SMCHD1: variants seen among roughly 807,000 people sequenced by gnomAD.
SMCHD1 encodes structural maintenance of chromosomes flexible hinge domain-containing protein 1.
Under a neutral mutation model 254.7 loss-of-function variants are expected in SMCHD1, and 78 were observed. The ratio of observed to expected loss-of-function variants is 0.31; its 90% CI spans 0.26 to 0.37. The LOEUF (loss-of-function observed/expected upper bound fraction) is 0.37, where lower values mean the gene tolerates loss of function less well. SMCHD1 is among the 10% of genes least tolerant of loss of function. The pLI, the probability that SMCHD1 is intolerant of heterozygous loss-of-function variation, is 1.00. For missense variants in SMCHD1, 1,840 were observed against 2,408.1 expected, an observed-to-expected ratio of 0.76 and a Z score of 4.94; for synonymous variants, 766 against 794.9, an observed-to-expected ratio of 0.96 and a Z score of 0.61.
intron 1 of SMCHD1, among the ~76,000 whole-genome samples, chr18:2,663,721 A>ATTTT (rs577543378): frequency 6.8e-6 from 1 of 146,524 alleles, no homozygotes; most frequent in African/African-American, 2.5e-5. Flanking sequence ...TATTCCAGGA[A>ATTTT]TTTTTTTTTT....
chr18:2,684,793 A>G (rs1183345594), intron 5 of SMCHD1, among the ~76,000 whole-genome samples: 1 of 147,888 alleles, frequency 6.8e-6, no homozygotes, highest in Non-Finnish European at 1.5e-5. Flanking sequence ...TGGAAACTCT[A>G]GGATTCATAG....
chr18:2,713,342 G>C (rs1370146580), intron 17 of SMCHD1, among the ~76,000 whole-genome samples: 1 of 152,182 alleles, frequency 6.6e-6, no homozygotes, highest in Non-Finnish European at 1.5e-5. Flanking sequence ...GTGATTTGCT[G>C]TCTGATTTAT....
intron 4 of SMCHD1, 26 bp from the exon 5 acceptor site, chr18:2,673,989 C>CT (rs1461059351): frequency 6.5e-7 from 1 of 1,550,120 alleles, no homozygotes; most frequent in Non-Finnish European, 8.7e-7. Context: ...CTTTTCCTGT[C>CT]TTTTTGAACT....
intron 42 of SMCHD1, among the ~76,000 whole-genome samples, chr18:2,776,560 C>T (rs1039971969): frequency 1.3e-5 from 2 of 151,628 alleles, no homozygotes; most frequent in African/African-American, 4.9e-5. Flanking sequence ...TTAAAATGTA[C>T]CTAAAGACAG....
rs769432583 is a variant in SMCHD1 at position 2,708,907 on chromosome 18, T to TATATATATATATATATAAA, written c.2260+988_2260+989insTATATATATATATATAAAA. 4.3e-3 allele frequency among the ~76,000 whole-genome samples: 191 copies of TATATATATATATATATAAA among 44,684 alleles called. 36 individuals are homozygous for TATATATATATATATATAAA. Among genetic ancestry groups the TATATATATATATATATAAA allele is most frequent in the African/African-American group, 0.015 (180 of 11,872 alleles). The allele number at this position is 44,684 out of a possible 152,430, so 29.3% of individuals were successfully genotyped here. A position where few individuals can be genotyped will look rare whatever the true frequency, so the allele number is the denominator to read the frequency against. Reference sequence around the variant, plus strand: ...ATATATATATATATATATATATATATAACATATTAACATGAAATTTATGAA... The same window carrying TATATATATATATATATAAA: ...ATATATATATATATATATATATATATATATATATATATATATAAAAACATATTAACATGAAATTTATGAA... On this transcript the variant is annotated intron_variant, in intron 17 of 47. Transcript: ENST00000320876.
In SMCHD1 at chr18:2,804,898, T is replaced by C. The variant is rs2076419996; in HGVS notation, c.*2346T>C. ...GTTATGTGTTATATAATCTGAAATT[T>C]GTCACAATGTTACAATCAGGAAGTT... On this transcript the variant is annotated 3_prime_UTR_variant, in exon 48 of 48. Transcript: ENST00000320876. 6.6e-6 allele frequency: 1 copy of C among 152,238 alleles called. No homozygotes were observed. The highest frequency in any genetic ancestry group is 2.1e-4 in the South Asian group (1 of 4,836). 9.4% of individuals were successfully genotyped at this position (152,238 alleles called of 1,614,324 possible). A position where few individuals can be genotyped will look rare whatever the true frequency, so the allele number is the denominator to read the frequency against.
chr18:2,705,665 T>A, intron 13 of SMCHD1, 29 bp from the exon 14 acceptor site: 1 of 412,542 alleles, frequency 2.4e-6, no homozygotes. Flanking sequence ...ATACTGAAGC[T>A]TTTTTTTTTT....
At chr18:2,708,336 G>A (rs919352658) in intron 17 of SMCHD1, among the ~76,000 whole-genome samples, 4 of 152,104 alleles carry the variant, frequency 2.6e-5, no homozygotes, top group African/African-American at 7.2e-5. Context: ...TCTTCCTGGA[G>A]GTTCTGGGTG....
At chr18:2,732,884 G>A (rs975581278) in intron 25 of SMCHD1, among the ~76,000 whole-genome samples, 6 of 152,146 alleles carry the variant, frequency 3.9e-5, no homozygotes, top group Admixed American at 3.3e-4. Context: ...AAACAGTGTT[G>A]TTAACTACAG....
intron 7 of SMCHD1, among the ~76,000 whole-genome samples, chr18:2,692,841 C>T (rs1022224960): frequency 6.6e-6 from 1 of 152,188 alleles, no homozygotes; most frequent in African/African-American, 2.4e-5. Context: ...AGCACAAAGG[C>T]ACTGTCTTAT....
intron 15 of SMCHD1, 191 bp from the exon 16 acceptor site, chr18:2,707,372 T>G (rs1374121000): frequency 5.5e-6 from 2 of 361,148 alleles, no homozygotes; most frequent in Non-Finnish European, 5.0e-6. Context: ...TTCTTCTTCT[T>G]TTTTTTCAGT....
intron 3 of SMCHD1, among the ~76,000 whole-genome samples, chr18:2,669,088 G>C (rs1473376903): frequency 6.6e-6 from 1 of 151,696 alleles, no homozygotes; most frequent in Non-Finnish European, 1.5e-5. Flanking sequence ...GCTCATACCT[G>C]TAATCCCAGC....
At chr18:2,770,785 TG>T (rs1481729742) in intron 39 of SMCHD1, among the ~76,000 whole-genome samples, 1 of 152,054 alleles carries the variant, frequency 6.6e-6, no homozygotes, top group African/African-American at 2.4e-5. Flanking sequence ...CACGCCTGGC[TG>T]ATTTTTGTAT....
rs77892727 is a variant in SMCHD1, at chr18:2,670,254, C to T, written c.425-3027C>T. ...CTTTTTCACTCCCCTTCACTGCCAT[C>T]CATATTCTCAGCTTAGGGCCCTCTG... On this transcript the variant is annotated intron_variant, in intron 3 of 47. Coordinates refer to ENST00000320876, the MANE Select transcript of SMCHD1 (RefSeq NM_015295.3). Among the ~76,000 whole-genome samples the T allele has an allele frequency of 9.4e-3, 1,429 of 152,170 alleles. 16 individuals are homozygous for T. Among genetic ancestry groups the T allele is most frequent in the African/African-American group, 0.033 (1,353 of 41,490 alleles).
At chr18:2,736,785 T>A (rs1183763099) in intron 25 of SMCHD1, among the ~76,000 whole-genome samples, 1 of 152,188 alleles carries the variant, frequency 6.6e-6, no homozygotes, top group Non-Finnish European at 1.5e-5. Context: ...AAGGGAACAC[T>A]TATGCACTGT....
chr18:2,721,141 C>T (rs1044890909), intron 19 of SMCHD1, among the ~76,000 whole-genome samples: 10 of 152,118 alleles, frequency 6.6e-5, no homozygotes, highest in East Asian at 3.9e-4. Flanking sequence ...GACTTATGGG[C>T]GTCTGATAAC....
intron 41 of SMCHD1, among the ~76,000 whole-genome samples, chr18:2,774,558 G>A (rs184830104): frequency 6.6e-5 from 10 of 152,042 alleles, no homozygotes; most frequent in South Asian, 6.2e-4. Flanking sequence ...CTACAGTTTC[G>A]TGCCACCATG....
At chr18:2,660,250 G>A (rs879300564) in intron 1 of SMCHD1, among the ~76,000 whole-genome samples, 32 of 152,122 alleles carry the variant, frequency 2.1e-4, no homozygotes, top group East Asian at 1.2e-3. Flanking sequence ...ACTTGAACCC[G>A]GGAGTCGGAA....
At chr18:2,725,730 C>G (rs753480906) in intron 21 of SMCHD1, among the ~76,000 whole-genome samples, 1 of 151,352 alleles carries the variant, frequency 6.6e-6, no homozygotes, top group Non-Finnish European at 1.5e-5. Flanking sequence ...AAATTGAGTT[C>G]TTGATTCTTT....
Sources: gnomAD v4.1 joint callset for allele counts (sites outside exome capture counted in the v4.1 genomes callset) on GRCh38, gnomAD v4.1.1 for gene constraint, MANE v1.5 for transcripts, NCBI Gene and HGNC (gene_info 2026-07-23, HGNC 2026-07-21) for gene names.